Variants in TMEM117 observed in about 807,000 individuals in gnomAD.
TMEM117 encodes the protein transmembrane protein 117.
A neutral mutation model predicts 52.4 loss-of-function variants in TMEM117; 27 were observed. The ratio of observed to expected loss-of-function variants is 0.51; its 90% CI spans 0.38 to 0.71. The LOEUF is 0.71. Among genes scored for constraint, TMEM117 ranks in the 30% least tolerant of loss-of-function variants. The probability of loss-of-function intolerance (pLI) is 0.00; values close to 1 mark genes in which losing one functional copy is unlikely to be tolerated. For synonymous variants in TMEM117, 215 were observed against 206.3 expected, an observed-to-expected ratio of 1.04 and a Z score of -0.36; for missense variants, 556 against 630.5, an observed-to-expected ratio of 0.88 and a Z score of 1.26.
chr12:43,977,493 C>T (rs560613905), intron 3 of TMEM117, among the ~76,000 whole-genome samples: 4 of 152,216 alleles, frequency 2.6e-5, no homozygotes, highest in African/African-American at 7.2e-5. Context: ...TTACTGTTTA[C>T]ATCTTTCCAT....
chr12:44,239,212 G>A (rs375309257), intron 5 of TMEM117, among the ~76,000 whole-genome samples: 3 of 152,026 alleles, frequency 2.0e-5, no homozygotes, highest in East Asian at 1.9e-4. Context: ...TTTCATAAGC[G>A]TATCTTCTCA....
intron 4 of TMEM117, among the ~76,000 whole-genome samples, chr12:44,153,287 A>G (rs1333312395): frequency 6.6e-6 from 1 of 152,004 alleles, no homozygotes; most frequent in Non-Finnish European, 1.5e-5. Flanking sequence ...AACCCAGGCA[A>G]TCTGGTTCCA....
intron 3 of TMEM117, among the ~76,000 whole-genome samples, chr12:44,140,553 A>G (rs1403259500): frequency 6.6e-6 from 1 of 152,096 alleles, no homozygotes; most frequent in African/African-American, 2.4e-5. Context: ...TTGACATCCT[A>G]GTAATTTTTG....
chr12:43,961,891 A>G (rs531859119), intron 3 of TMEM117, among the ~76,000 whole-genome samples: 1 of 152,336 alleles, frequency 6.6e-6, no homozygotes, highest in African/African-American at 2.4e-5. Context: ...AGGCTTACCA[A>G]AAGTTATATA....
intron 5 of TMEM117, among the ~76,000 whole-genome samples, chr12:44,293,837 T>C (rs1016370044): frequency 2.6e-5 from 4 of 152,314 alleles, no homozygotes; most frequent in Admixed American, 2.0e-4. Context: ...AAGTGGTTTA[T>C]ATACAACTAT....
intron 3 of TMEM117, among the ~76,000 whole-genome samples, chr12:44,014,664 T>C (rs1260836150): frequency 1.3e-5 from 2 of 152,206 alleles, no homozygotes; most frequent in African/African-American, 4.8e-5. Context: ...TTGTACTATA[T>C]GGTTAATCAC....
intron 6 of TMEM117, among the ~76,000 whole-genome samples, chr12:44,365,286 A>G (rs1387269020): frequency 6.6e-6 from 1 of 151,990 alleles, no homozygotes; most frequent in Non-Finnish European, 1.5e-5. Context: ...TGCTCCAGGT[A>G]GCAAAAAATC....
chr12:44,059,072 A>T (rs1051965891), intron 3 of TMEM117, among the ~76,000 whole-genome samples: 8 of 152,152 alleles, frequency 5.3e-5, no homozygotes, highest in Admixed American at 2.6e-4. Flanking sequence ...TGCACAGTTC[A>T]CAATGGGGTT....
intron 3 of TMEM117, among the ~76,000 whole-genome samples, chr12:43,950,984 T>C (rs186989426): frequency 0.01 from 1,596 of 152,134 alleles, 29 homozygotes; most frequent in East Asian, 0.041. Flanking sequence ...AGGCAGTGGG[T>C]GCGCCCCATG....
At chr12:43,814,762 G>A in the TMEM117 span, among the ~76,000 whole-genome samples, 3 of 35,920 alleles carry the variant, frequency 8.4e-5, no homozygotes, top group African/African-American at 3.2e-4. Flanking sequence ...TTTTTTTTTT[G>A]AGACAAAGTC....
chr12:44,216,467 T>C (rs1196412728), intron 5 of TMEM117, among the ~76,000 whole-genome samples: 1 of 152,166 alleles, frequency 6.6e-6, no homozygotes, highest in African/African-American at 2.4e-5. Flanking sequence ...AAGGACTGTT[T>C]GATACTGTAG....
At chr12:43,993,150 A>G (rs1213060401) in intron 3 of TMEM117, among the ~76,000 whole-genome samples, 1 of 152,232 alleles carries the variant, frequency 6.6e-6, no homozygotes, top group Admixed American at 6.5e-5. Flanking sequence ...GAATAAAGAC[A>G]TTCAAGTAAA....
chr12:44,136,952 T>A (rs1486731640), intron 3 of TMEM117, among the ~76,000 whole-genome samples: 1 of 152,152 alleles, frequency 6.6e-6, no homozygotes, highest in East Asian at 1.9e-4. Flanking sequence ...GTATTGCAAA[T>A]CCTTGTTTTT....
intron 5 of TMEM117, among the ~76,000 whole-genome samples, chr12:44,220,139 G>T (rs896945421): frequency 6.6e-6 from 1 of 152,084 alleles, no homozygotes; most frequent in Non-Finnish European, 1.5e-5. Flanking sequence ...GTGTTGACTG[G>T]GAATTTTAAG....
chr12:43,873,927 A>T (rs1592324137), intron 2 of TMEM117, among the ~76,000 whole-genome samples: 2 of 151,662 alleles, frequency 1.3e-5, no homozygotes, highest in Non-Finnish European at 2.9e-5. Flanking sequence ...CTGCCTTTTG[A>T]TCATTTATTA....
chr12:44,272,101 G>GA (rs34183869), intron 5 of TMEM117, among the ~76,000 whole-genome samples: 9,119 of 152,086 alleles, frequency 0.06, 334 homozygotes, highest in African/African-American at 0.094. Flanking sequence ...TAAGAATGTA[G>GA]AAAAAAGTGG....
At chr12:44,326,986 A>G (rs1410596238) in intron 6 of TMEM117, among the ~76,000 whole-genome samples, 1 of 152,222 alleles carries the variant, frequency 6.6e-6, no homozygotes, top group African/African-American at 2.4e-5. Context: ...TCTCTGCAGA[A>G]TGTCACCAAT....
chr12:44,319,762 G>A (rs566645850), intron 6 of TMEM117, among the ~76,000 whole-genome samples: 2 of 152,234 alleles, frequency 1.3e-5, no homozygotes, highest in East Asian at 3.9e-4. Flanking sequence ...CTGACTACCA[G>A]TTAATTCAAT....
chr12:44,047,755 T>G (rs1279612503), intron 3 of TMEM117, among the ~76,000 whole-genome samples: 1 of 152,154 alleles, frequency 6.6e-6, no homozygotes, highest in Non-Finnish European at 1.5e-5. Context: ...TATCATTTGT[T>G]TTATATATTA....
Sources: allele counts gnomAD v4.1 joint callset (sites outside exome capture counted in the v4.1 genomes callset), GRCh38; gene constraint gnomAD v4.1.1; transcripts MANE v1.5; gene names NCBI Gene and HGNC (gene_info 2026-07-23, HGNC 2026-07-21).